NELL1: variants seen among roughly 807,000 people sequenced by gnomAD.
NELL1 encodes the protein neural EGFL like 1, also known as protein kinase C-binding protein NELL1.
In NELL1, 76 loss-of-function variants were observed where a neutral mutation model predicts 107.4. That is an observed-to-expected ratio of 0.71 (90% CI 0.59 to 0.86). The LOEUF (loss-of-function observed/expected upper bound fraction) is 0.86, where lower values mean the gene tolerates loss of function less well. NELL1 is among the 40% of genes least tolerant of loss of function. The pLI is 0.00. For synonymous variants in NELL1, 353 were observed against 341.2 expected (o/e 1.03, Z -0.38); for missense variants, 1,024 against 1,005.5 (o/e 1.02, Z -0.25).
At chr11:20,931,066 A>T (rs1850607756) in intron 9 of NELL1, among the ~76,000 whole-genome samples, 1 of 152,182 alleles carries the variant, frequency 6.6e-6, no homozygotes, top group Non-Finnish European at 1.5e-5. Context: ...TTAGGTGATT[A>T]CTGAGTACTG....
intron 12 of NELL1, among the ~76,000 whole-genome samples, chr11:21,107,033 T>C (rs1854986360): frequency 6.6e-6 from 1 of 152,192 alleles, no homozygotes; most frequent in Non-Finnish European, 1.5e-5. Context: ...TCTACGCTCA[T>C]AGCAAAACTG....
At chr11:21,535,407 T>G (rs1465197966) in intron 16 of NELL1, among the ~76,000 whole-genome samples, 1 of 152,200 alleles carries the variant, frequency 6.6e-6, no homozygotes, top group Non-Finnish European at 1.5e-5. Flanking sequence ...TTTGAATATT[T>G]GTTTTCTCTG....
chr11:21,192,495 T>A (rs1857068510), intron 13 of NELL1, among the ~76,000 whole-genome samples: 1 of 151,938 alleles, frequency 6.6e-6, no homozygotes, highest in Admixed American at 6.6e-5. Flanking sequence ...AGTGTATGTG[T>A]ATGCAATGAA....
intron 15 of NELL1, among the ~76,000 whole-genome samples, chr11:21,425,889 T>TA (rs1852808578): frequency 6.6e-6 from 1 of 152,150 alleles, no homozygotes; most frequent in Non-Finnish European, 1.5e-5. Context: ...TAGAAAATGT[T>TA]AAAAAATTAG....
At chr11:21,072,036 G>T (rs1854028176) in intron 12 of NELL1, among the ~76,000 whole-genome samples, 1 of 152,054 alleles carries the variant, frequency 6.6e-6, no homozygotes, top group African/African-American at 2.4e-5. Context: ...TCATTATCAT[G>T]GGGATTAGGT....
At chr11:20,988,703 G>A (rs978126066) in intron 12 of NELL1, among the ~76,000 whole-genome samples, 17 of 151,166 alleles carry the variant, frequency 1.1e-4, no homozygotes, top group African/African-American at 3.9e-4. Flanking sequence ...CCATTCTCCT[G>A]CCTCAGCCTC....
chr11:20,766,892 ACC>A (rs1856544233), intron 2 of NELL1, among the ~76,000 whole-genome samples: 1 of 152,016 alleles, frequency 6.6e-6, no homozygotes, highest in South Asian at 2.1e-4. Flanking sequence ...ACAGGCGTGC[ACC>A]ACCACGCCCA....
chr11:21,157,698 A>G (rs1007944610), intron 13 of NELL1, among the ~76,000 whole-genome samples: 2 of 152,194 alleles, frequency 1.3e-5, no homozygotes, highest in Non-Finnish European at 2.9e-5. Context: ...GTAGTTTAGA[A>G]CATAAACTCT....
chr11:20,947,499 G>A, intron 11 of NELL1, 64 bp downstream of exon 11: 1 of 1,130,948 alleles, frequency 8.8e-7, no homozygotes, highest in South Asian at 1.2e-5. Flanking sequence ...TGGGGCATGA[G>A]ATTTTAATGA....
At chr11:21,573,601 C>G (rs1857154825) in intron 19 of NELL1, among the ~76,000 whole-genome samples, 192 bp downstream of exon 19, 1 of 151,724 alleles carries the variant, frequency 6.6e-6, no homozygotes, top group Non-Finnish European at 1.5e-5. Context: ...AGGCAAATTC[C>G]AAATGAGCAT....
rs960835402 is a variant in NELL1 at position 20,991,016 on chromosome 11, C to A, written c.1300+30456C>A. 3.3e-5 allele frequency among the ~76,000 whole-genome samples: 5 copies of A among 152,120 alleles called. No individual in the cohort carries two copies. The South Asian group carries it at 6.2e-4, about 19-fold the overall frequency. On this transcript the variant is annotated intron_variant, in intron 12 of 19. Coordinates refer to ENST00000357134, the MANE Select transcript of NELL1 (RefSeq NM_006157.5). Reference sequence around the variant, plus strand: ...CTGACCCAGTCCTGATCTTGAAAACCAACTCTGGTGTTTGCCCAACAGGTC... The same window carrying A: ...CTGACCCAGTCCTGATCTTGAAAACAAACTCTGGTGTTTGCCCAACAGGTC...
chr11:20,967,242 C>A (rs577423493), intron 12 of NELL1, among the ~76,000 whole-genome samples: 1 of 152,068 alleles, frequency 6.6e-6, no homozygotes, highest in Non-Finnish European at 1.5e-5. Context: ...TCTGTGGAAA[C>A]AAGACCCTGC....
At chr11:20,891,924 T>C (rs192092656) in intron 5 of NELL1, among the ~76,000 whole-genome samples, 1 of 152,158 alleles carries the variant, frequency 6.6e-6, no homozygotes, top group Non-Finnish European at 1.5e-5. Context: ...TGAGAGACTT[T>C]AACACCCCAC....
At chr11:20,720,817 A>C (rs1017366106) in intron 2 of NELL1, among the ~76,000 whole-genome samples, 3 of 152,092 alleles carry the variant, frequency 2.0e-5, no homozygotes, top group Non-Finnish European at 4.4e-5. Context: ...AGCTCACCCT[A>C]CCAACCTCAT....
At chr11:20,890,022 G>C (rs977139495) in intron 5 of NELL1, among the ~76,000 whole-genome samples, 1 of 152,170 alleles carries the variant, frequency 6.6e-6, no homozygotes, top group Non-Finnish European at 1.5e-5. Context: ...CATTAAACAG[G>C]TCCTGCTCCC....
intron 9 of NELL1, among the ~76,000 whole-genome samples, chr11:20,933,073 G>C (rs182907505): frequency 1.1e-3 from 171 of 152,338 alleles, no homozygotes; most frequent in African/African-American, 4.0e-3. Flanking sequence ...TTTTGGTACT[G>C]CAATCAAGGT....
intron 12 of NELL1, among the ~76,000 whole-genome samples, chr11:21,086,828 CTT>C (rs35537964): frequency 4.4e-5 from 5 of 112,946 alleles, no homozygotes; most frequent in East Asian, 3.0e-4. Flanking sequence ...CTTAATGGAT[CTT>C]TTTTTTTTTT....
intron 12 of NELL1, among the ~76,000 whole-genome samples, chr11:21,015,823 G>A (rs144774471): frequency 6.6e-5 from 10 of 152,182 alleles, no homozygotes; most frequent in Non-Finnish European, 1.2e-4. Context: ...GGCACGTCCT[G>A]TTGTCAACAC....
chr11:20,757,564 G>C (rs1856325025), intron 2 of NELL1, among the ~76,000 whole-genome samples: 3 of 151,990 alleles, frequency 2.0e-5, no homozygotes, highest in Admixed American at 2.0e-4. Flanking sequence ...TTTCTTATTT[G>C]GCTCACTCTT....
Sources: gnomAD v4.1 joint callset for allele counts (sites outside exome capture counted in the v4.1 genomes callset) on GRCh38, gnomAD v4.1.1 for gene constraint, MANE v1.5 for transcripts, NCBI Gene and HGNC (gene_info 2026-07-23, HGNC 2026-07-21) for gene names.